Variants in LRRC25 observed in about 807,000 individuals in gnomAD.
LRRC25 encodes the protein leucine rich repeat containing 25.
Under a neutral mutation model 18.8 loss-of-function variants are expected in LRRC25, and 5 were observed. The observed-to-expected ratio is 0.27, with a 90% CI of 0.14 to 0.56. The LOEUF (loss-of-function observed/expected upper bound fraction) is 0.56, where lower values mean the gene tolerates loss of function less well. Ranked by LOEUF, LRRC25 falls within the 20% of genes least tolerant of loss-of-function variation. The pLI, the probability that LRRC25 is intolerant of heterozygous loss-of-function variation, is 0.93. For missense variants in LRRC25, 341 were observed against 389.8 expected, an observed-to-expected ratio of 0.87 and a Z score of 1.05; for synonymous variants, 161 against 176.8, an observed-to-expected ratio of 0.91 and a Z score of 0.71.
intron 1 of LRRC25, among the ~76,000 whole-genome samples, chr19:18,393,258 T>C (rs1411097505): frequency 6.6e-6 from 1 of 152,224 alleles, no homozygotes; most frequent in Non-Finnish European, 1.5e-5. Context: ...ATATTTGTTA[T>C]GGTCAGCAAG....
In LRRC25 at chr19:18,393,240, A is replaced by G. The variant is rs142074533; in HGVS notation, c.780-1115T>C. Among the ~76,000 whole-genome samples the G allele has an allele frequency of 2.0e-4, 31 of 152,320 alleles. No homozygotes were observed. In the East Asian group the frequency reaches 5.6e-3, roughly 27 times the overall value. On this transcript the variant is annotated intron_variant, in intron 1 of 1. Coordinates refer to ENST00000339007, the MANE Select transcript of LRRC25 (RefSeq NM_145256.3). ...AGAATTGGTCAAGGAGCAGGTAGCT[A>G]CTTAGGAATATTTGTTATGGTCAGC...
chr19:18,397,169 A>G lies in LRRC25; in HGVS notation c.-206T>C. 1.6e-6 allele frequency: 1 copy of G among 606,736 alleles called. No individual in the cohort carries two copies. Among genetic ancestry groups the G allele is most frequent in the East Asian group, 2.8e-5 (1 of 36,124 alleles). 37.6% of individuals were successfully genotyped at this position (606,736 alleles called of 1,614,324 possible). ...TTCTGGGGAATGGGTAGATAACCCC[A>G]GTGCTTAGCGGGCTTGGAAGGCGAG... On this transcript the variant is annotated 5_prime_UTR_variant, in exon 1 of 2. Coordinates refer to ENST00000339007, the MANE Select transcript of LRRC25 (RefSeq NM_145256.3).
rs1002565040 is a variant in LRRC25 at position 18,391,854 on chromosome 19, G to A, written c.*133C>T. 82 of 1,116,388 alleles carry A rather than the reference G, an allele frequency of 7.3e-5. No homozygotes were observed. The highest frequency in any genetic ancestry group is 9.7e-5 in the Non-Finnish European group (77 of 791,374). The allele number at this position is 1,116,388 out of a possible 1,614,324, so 69.2% of individuals were successfully genotyped here. ...CAGGGAGGGGGCGGCAGAGCTTCCTGGGGCCTCAAGGACAATCCTTTCCTG... is the reference window on the plus strand; with the variant it reads ...CAGGGAGGGGGCGGCAGAGCTTCCTAGGGCCTCAAGGACAATCCTTTCCTG... On this transcript the variant is annotated 3_prime_UTR_variant, in exon 2 of 2. Coordinates refer to ENST00000339007, the MANE Select transcript of LRRC25 (RefSeq NM_145256.3).
At chr19:18,395,918 A>C (rs1309742538) in intron 1 of LRRC25, among the ~76,000 whole-genome samples, 1 of 152,062 alleles carries the variant, frequency 6.6e-6, no homozygotes, top group African/African-American at 2.4e-5. Context: ...ACTGGGTTTC[A>C]CCGTGTTGGC....
At chr19:18,392,859 G>A (rs1348349435) in intron 1 of LRRC25, among the ~76,000 whole-genome samples, 3 of 151,774 alleles carry the variant, frequency 2.0e-5, no homozygotes, top group Admixed American at 6.6e-5. Flanking sequence ...GCGTGGTGAC[G>A]TGTGCCTGGA....
intron 1 of LRRC25, among the ~76,000 whole-genome samples, chr19:18,393,654 A>G (rs1037126709): frequency 1.3e-5 from 2 of 151,776 alleles, no homozygotes; most frequent in African/African-American, 2.4e-5. Context: ...AACAGCATCT[A>G]TCAGTCAATT....
intron 1 of LRRC25, among the ~76,000 whole-genome samples, chr19:18,393,739 T>C (rs1480650892): frequency 6.6e-6 from 1 of 152,206 alleles, no homozygotes; most frequent in Non-Finnish European, 1.5e-5. Context: ...GCAGGGTTTG[T>C]GTCCTGCCTT....
chr19:18,395,919 C>A (rs1411532573), intron 1 of LRRC25, among the ~76,000 whole-genome samples: 6 of 152,122 alleles, frequency 3.9e-5, no homozygotes, highest in Non-Finnish European at 8.8e-5. Flanking sequence ...CTGGGTTTCA[C>A]CGTGTTGGCC....
chr19:18,392,984 C>T (rs985898483), intron 1 of LRRC25, among the ~76,000 whole-genome samples: 6 of 151,990 alleles, frequency 3.9e-5, no homozygotes, highest in Middle Eastern at 3.4e-3. Flanking sequence ...AGGGAGACCC[C>T]GTCTCAAAAA....
Position 18,396,666 on chromosome 19 carries a change from C to T in LRRC25, c.298G>A (p.Val100Met). The change falls in exon 1 of 2, where the codon GTG (valine) becomes ATG (methionine). Residue 100 changes from valine (V) to methionine (M), a missense_variant. By Grantham distance (21) the Val-to-Met change is conservative. Transcript: ENST00000339007. ...CAGCGGGCGGCCAGCGCCCCATCCA[C>T]ACGAGACAAGGGGTTGCGTAGCACG... ...LNVLRNPLSRVDGALAARCDL... is the reference protein window; with the variant it reads ...LNVLRNPLSRMDGALAARCDL... 1 of 1,614,074 alleles carries T rather than the reference C, an allele frequency of 6.2e-7. No homozygotes were observed. The highest frequency in any genetic ancestry group is 8.5e-7 in the Non-Finnish European group (1 of 1,180,014).
intron 1 of LRRC25, 35 bp downstream of exon 1, chr19:18,396,147 ATTC>A (rs1302375251): frequency 1.3e-6 from 2 of 1,554,400 alleles, no homozygotes; most frequent in Admixed American, 3.7e-5. Flanking sequence ...GAGCCTTATT[ATTC>A]ACCACTTTGG....
intron 1 of LRRC25, 89 bp downstream of exon 1, chr19:18,396,096 A>AGCG (rs1361214942): frequency 2.7e-6 from 4 of 1,468,628 alleles, no homozygotes; most frequent in Non-Finnish European, 3.7e-6. Context: ...ACAGCCTTCA[A>AGCG]GCGGCAGAGC....
chr19:18,393,196 C>T (rs934300106), intron 1 of LRRC25, among the ~76,000 whole-genome samples: 1 of 152,186 alleles, frequency 6.6e-6, no homozygotes, highest in Non-Finnish European at 1.5e-5. Flanking sequence ...AGTCTCTGAG[C>T]CTCAGTTTCT....
rs1180008561 is a variant in LRRC25 at position 18,391,928 on chromosome 19, C to A, written c.*59G>T. On this transcript the variant is annotated 3_prime_UTR_variant, in exon 2 of 2. Coordinates refer to ENST00000339007, the MANE Select transcript of LRRC25 (RefSeq NM_145256.3). ...CTGAGGCCATGGAGGCGTTAGGACG[C>A]CCTGAGTCACCCAGCAGGGACTGAA... 4 of 1,571,260 alleles carry A rather than the reference C, an allele frequency of 2.5e-6. No individual in the cohort carries two copies. In the African/African-American group the frequency reaches 5.4e-5, roughly 21 times the overall value.
At position 18,396,293 on chromosome 19, in the gene LRRC25, C is replaced by T. The variant is rs771704758; in HGVS notation, c.671G>A (p.Arg224Gln). The T allele has an allele frequency of 3.5e-5, 57 of 1,612,226 alleles. 1 individual carries two copies. Among genetic ancestry groups the T allele is most frequent in the African/African-American group, 6.7e-5 (5 of 74,916 alleles). ...GLGLQPRYGS[R>Q]SAPKPQVAVP... ...GGCCACTTGGGGCTTGGGGGCGCTCCGGCTGCCGTACCGTGGCTGCAAGCC... is the reference window on the plus strand; with the variant it reads ...GGCCACTTGGGGCTTGGGGGCGCTCTGGCTGCCGTACCGTGGCTGCAAGCC... Residue 224 changes from arginine to glutamine, a missense_variant, in exon 1 of 2, where the codon CGG becomes CAG. Coordinates refer to ENST00000339007, the MANE Select transcript of LRRC25 (RefSeq NM_145256.3).
intron 1 of LRRC25, among the ~76,000 whole-genome samples, chr19:18,392,880 C>T (rs1334358107): frequency 6.6e-6 from 1 of 151,932 alleles, no homozygotes; most frequent in Non-Finnish European, 1.5e-5. Flanking sequence ...GTCCCATCTC[C>T]TCGGGAGGCT....
rs1485742773 is a variant in LRRC25, at chr19:18,397,200, G to A, written c.-237C>T. Reference sequence around the variant, plus strand: ...TAGCGGGCTTGGAAGGCGAGGAGGAGATCCGGGCCAGTTAACCCCTTCTTC... The same window carrying A: ...TAGCGGGCTTGGAAGGCGAGGAGGAAATCCGGGCCAGTTAACCCCTTCTTC... On this transcript the variant is annotated 5_prime_UTR_variant, in exon 1 of 2. Coordinates refer to ENST00000339007, the MANE Select transcript of LRRC25 (RefSeq NM_145256.3). The A allele has an allele frequency of 1.7e-6, 1 of 576,280 alleles. No homozygotes were observed. The highest frequency in any genetic ancestry group is 3.1e-6 in the Non-Finnish European group (1 of 324,176). 35.7% of individuals were successfully genotyped at this position (576,280 alleles called of 1,614,324 possible). A position where few individuals can be genotyped will look rare whatever the true frequency, so the allele number is the denominator to read the frequency against.
intron 1 of LRRC25, 33 bp from the exon 2 acceptor site, chr19:18,392,158 G>A (rs201918897): frequency 5.0e-6 from 8 of 1,606,754 alleles, no homozygotes; most frequent in Non-Finnish European, 6.8e-6. Flanking sequence ...GGTAAGTGTG[G>A]GAGGGGGAGG....
chr19:18,396,354 GT>G lies in LRRC25; in HGVS notation c.609del (p.Lys203AsnfsTer13). 4 of 1,613,826 alleles carry G rather than the reference GT, an allele frequency of 2.5e-6. No individual in the cohort carries two copies. The highest frequency in any genetic ancestry group is 3.4e-6 in the Non-Finnish European group (4 of 1,180,008). ...TTGGGCCCATCCTGAGCAGCCCAGG[GT>G]TTGTTCAGCTCCCGGCTTCTGGCCA... ...CRVARSRELN[K>X]PWAAQDGPKP... On this transcript the variant is annotated frameshift_variant, in exon 1 of 2. Transcript: ENST00000339007. LOFTEE classifies it high-confidence loss of function.
Sources: gnomAD v4.1 joint callset for allele counts (sites outside exome capture counted in the v4.1 genomes callset) on GRCh38, gnomAD v4.1.1 for gene constraint, MANE v1.5 for transcripts, NCBI Gene and HGNC (gene_info 2026-07-23, HGNC 2026-07-21) for gene names.